The following RAPGEF4 variants were observed in gnomAD, a reference collection of about 807,000 sequenced individuals.
The protein encoded by RAPGEF4 is Rap guanine nucleotide exchange factor 4, also known as RAP guanine-nucleotide-exchange factor (GEF) 4.
A neutral mutation model predicts 147.9 loss-of-function variants in RAPGEF4; 66 were observed. That is an observed-to-expected ratio of 0.45 (90% CI 0.37 to 0.55). The LOEUF is 0.55. Among genes scored for constraint, RAPGEF4 ranks in the 20% least tolerant of loss-of-function variants. RAPGEF4 has a pLI of 0.00. For synonymous variants in RAPGEF4, 419 were observed against 442.7 expected (o/e 0.95, Z 0.67); for missense variants, 1,071 against 1,257.3 (o/e 0.85, Z 2.24).
chr2:172,925,928 AAAG>A (rs1685285374), intron 6 of RAPGEF4, among the ~76,000 whole-genome samples: 1 of 138,862 alleles, frequency 7.2e-6, no homozygotes, highest in Non-Finnish European at 1.6e-5. Context: ...AGTAAAAAAG[AAAG>A]AGGAGGGAGG....
At position 172,937,165 on chromosome 2, in the gene RAPGEF4, G is replaced by A. The variant is rs577380652; in HGVS notation, c.537+14865G>A. 9.4e-4 allele frequency among the ~76,000 whole-genome samples: 143 copies of A among 151,806 alleles called. 1 individual carries two copies. Among genetic ancestry groups the A allele is most frequent in the African/African-American group, 3.4e-3 (141 of 41,422 alleles). ...GAGCCCAGGAATTTGAGGCTGCTGT[G>A]AGTTATGATTATGCCACTGTACTCC... On this transcript the variant is annotated intron_variant, in intron 6 of 30. Transcript: ENST00000397081.
chr2:172,890,024 C>T (rs1296016171), intron 4 of RAPGEF4: 3 of 165,544 alleles, frequency 1.8e-5, no homozygotes, highest in Non-Finnish European at 3.7e-5. Context: ...GCCACTTGGG[C>T]CAATGCCTGC....
At position 172,988,795 on chromosome 2, in the gene RAPGEF4, C is replaced by T. The variant is rs1692531078; in HGVS notation, c.1330C>T (p.His444Tyr). Residue 444 changes from histidine (H) to tyrosine (Y), a missense_variant, in exon 14 of 31, where the codon CAT (histidine) becomes TAT (tyrosine). Physicochemically the swap from His to Tyr is moderately conservative, Grantham distance 83. Transcript: ENST00000397081. ...TATCGTCTTACGAGAAGATAACTGC[C>T]ATTTCTTAAGAGTAGACAAGGAGGA... is the stretch of plus-strand genomic sequence containing the variant. ...ASIVLREDNCHFLRVDKEDFN... is the reference protein window; with the variant it reads ...ASIVLREDNCYFLRVDKEDFN... The T allele has an allele frequency of 1.2e-6, 2 of 1,613,702 alleles. No individual in the cohort carries two copies. The highest frequency in any genetic ancestry group is 1.3e-5 in the African/African-American group (1 of 74,914).
intron 17 of RAPGEF4, among the ~76,000 whole-genome samples, chr2:173,011,170 G>GCGCACA (rs564434178): frequency 0.081 from 10,751 of 133,384 alleles, 521 homozygotes; most frequent in East Asian, 0.14. Context: ...GCGCGCGCGC[G>GCGCACA]CACACACACA....
At chr2:172,917,988 T>C (rs1261416164) in intron 5 of RAPGEF4, 114 bp downstream of exon 5, 1 of 912,088 alleles carries the variant, frequency 1.1e-6, no homozygotes, top group South Asian at 1.3e-5. Flanking sequence ...CCAGACTCTT[T>C]TGTGGATAAA....
intron 29 of RAPGEF4, among the ~76,000 whole-genome samples, chr2:173,037,135 C>T (rs6751505): frequency 0.49 from 74,053 of 152,116 alleles, 18,365 homozygotes; most frequent in East Asian, 0.58. Context: ...GTACTGCTTA[C>T]CCCAATAAAG....
chr2:172,782,411 C>T (rs536085391), intron 1 of RAPGEF4, among the ~76,000 whole-genome samples: 24 of 152,256 alleles, frequency 1.6e-4, no homozygotes, highest in South Asian at 4.1e-4. Flanking sequence ...TCTTTCTCTT[C>T]GAAGGGTCTC....
intron 4 of RAPGEF4, among the ~76,000 whole-genome samples, chr2:172,880,450 C>T (rs1429150301): frequency 3.3e-5 from 5 of 152,138 alleles, no homozygotes. Context: ...TCTGTATTCC[C>T]AGAGCTCAAT....
chr2:173,031,048 A>G (rs959012326), intron 26 of RAPGEF4, among the ~76,000 whole-genome samples: 8 of 152,224 alleles, frequency 5.3e-5, no homozygotes, highest in Non-Finnish European at 7.3e-5. Context: ...GAAAGAGGGC[A>G]AGGAGTATGT....
intron 23 of RAPGEF4, 66 bp downstream of exon 23, chr2:173,020,781 G>T: frequency 5.4e-6 from 7 of 1,303,918 alleles, no homozygotes; most frequent in Non-Finnish European, 7.6e-6. Flanking sequence ...GCCTAATTTT[G>T]CAGTCACACT....
At chr2:172,770,899 G>A (rs1043702765) in intron 1 of RAPGEF4, among the ~76,000 whole-genome samples, 3 of 152,070 alleles carry the variant, frequency 2.0e-5, no homozygotes, top group Admixed American at 6.5e-5. Flanking sequence ...TTACCCTAGT[G>A]TGCCATGCAA....
At chr2:172,898,098 C>T (rs946481672) in intron 4 of RAPGEF4, among the ~76,000 whole-genome samples, 2 of 151,960 alleles carry the variant, frequency 1.3e-5, no homozygotes, top group African/African-American at 2.4e-5. Context: ...AAAGTGGATC[C>T]GAGTTAAAAA....
chr2:172,840,364 G>C (rs1691444438), intron 4 of RAPGEF4, among the ~76,000 whole-genome samples: 1 of 152,212 alleles, frequency 6.6e-6, no homozygotes, highest in Non-Finnish European at 1.5e-5. Context: ...GACCCAACAG[G>C]ACAGATTAGC....
At chr2:172,943,393 CAG>C (rs1244205060) in intron 6 of RAPGEF4, among the ~76,000 whole-genome samples, 1 of 152,216 alleles carries the variant, frequency 6.6e-6, no homozygotes, top group East Asian at 1.9e-4. Context: ...AGTGGTTAAC[CAG>C]AGAGTTCCTA....
chr2:172,967,146 C>G, intron 9 of RAPGEF4, 115 bp from the exon 10 acceptor site: 8 of 1,022,310 alleles, frequency 7.8e-6, no homozygotes, highest in Non-Finnish European at 1.1e-5. Flanking sequence ...GGCGAGGAGG[C>G]TCCCGGCTTT....
At chr2:172,988,151 G>A (rs1465501198) in intron 12 of RAPGEF4, 45 bp from the exon 13 acceptor site, 10 of 1,552,458 alleles carry the variant, frequency 6.4e-6, no homozygotes, top group Non-Finnish European at 7.8e-6. Context: ...TTATATTGAT[G>A]TGCTTCTATT....
intron 4 of RAPGEF4, among the ~76,000 whole-genome samples, chr2:172,817,612 G>A (rs1053912613): frequency 2.0e-5 from 3 of 152,074 alleles, no homozygotes; most frequent in Admixed American, 6.6e-5. Flanking sequence ...TGAACAGTAA[G>A]AGTGCAGAAA....
chr2:172,937,333 T>C (rs560105228), intron 6 of RAPGEF4, among the ~76,000 whole-genome samples: 29 of 152,288 alleles, frequency 1.9e-4, no homozygotes, highest in Non-Finnish European at 3.5e-4. Flanking sequence ...AGTCGCCATG[T>C]CTCCTTAGGC....
intron 3 of RAPGEF4, among the ~76,000 whole-genome samples, chr2:172,802,895 G>A (rs778548685): frequency 1.3e-5 from 2 of 152,364 alleles, no homozygotes; most frequent in Admixed American, 1.3e-4. Context: ...AAATCCAGCA[G>A]GGCAGTCAAA....
Sources: gnomAD v4.1 joint callset for allele counts (sites outside exome capture counted in the v4.1 genomes callset) on GRCh38, gnomAD v4.1.1 for gene constraint, MANE v1.5 for transcripts, NCBI Gene and HGNC (gene_info 2026-07-23, HGNC 2026-07-21) for gene names.